The following DNAAF11 variants were observed in gnomAD, a reference collection of about 807,000 sequenced individuals.
DNAAF11 encodes the protein dynein axonemal assembly factor 11, also known as leucine rich repeat containing 6.
A neutral mutation model predicts 60.8 loss-of-function variants in DNAAF11; 45 were observed. That is an observed-to-expected ratio of 0.74 (90% CI 0.58 to 0.95). DNAAF11 has a LOEUF of 0.95. Among genes scored for constraint, DNAAF11 ranks in the 40% least tolerant of loss-of-function variants. DNAAF11 has a pLI of 0.00. For synonymous variants in DNAAF11, 191 were observed against 183.5 expected, an observed-to-expected ratio of 1.04 and a Z score of -0.33; for missense variants, 546 against 546.2, an observed-to-expected ratio of 1.00 and a Z score of 0.00.
At chr8:132,623,318 T>C (rs1819941532) in intron 6 of DNAAF11, among the ~76,000 whole-genome samples, 1 of 152,134 alleles carries the variant, frequency 6.6e-6, no homozygotes, top group Non-Finnish European at 1.5e-5. Flanking sequence ...AAAGTGTTGA[T>C]GATGTATTTA....
intron 1 of DNAAF11, among the ~76,000 whole-genome samples, chr8:132,674,147 AGAGGAGGAGGAGAAGGAGAAG>A: frequency 6.2e-5 from 2 of 32,124 alleles, no homozygotes; most frequent in South Asian, 2.2e-3. Flanking sequence ...AGGAGGAGGA[AGAGGAGGAGGAGAAGGAGAAG>A]GAGGAGGAGG....
the DNAAF11 span, among the ~76,000 whole-genome samples, chr8:132,691,160 T>TAGGAGAAGAGTTTATTC: frequency 6.6e-6 from 1 of 152,196 alleles, no homozygotes; most frequent in African/African-American, 2.4e-5. Flanking sequence ...TTCTTCTCCA[T>TAGGAGAAGAGTTTATTC]TAACTTAGTT....
intron 2 of DNAAF11, among the ~76,000 whole-genome samples, chr8:132,659,832 G>GT (rs1823956605): frequency 6.6e-6 from 1 of 152,000 alleles, no homozygotes. Context: ...CTTGCGGGGG[G>GT]TGGGGGAGCA....
At chr8:132,582,659 C>T (rs1815459511) in intron 11 of DNAAF11, among the ~76,000 whole-genome samples, 1 of 152,220 alleles carries the variant, frequency 6.6e-6, no homozygotes, top group African/African-American at 2.4e-5. Context: ...GTTGTTCAAA[C>T]AAACCCCATG....
At chr8:132,626,552 T>A (rs1039892034) in intron 5 of DNAAF11, among the ~76,000 whole-genome samples, 24 of 152,188 alleles carry the variant, frequency 1.6e-4, no homozygotes, top group African/African-American at 5.8e-4. Flanking sequence ...CCAAAATATA[T>A]TTATTTATTA....
intron 1 of DNAAF11, among the ~76,000 whole-genome samples, chr8:132,662,583 C>T (rs1217496457): frequency 6.6e-6 from 1 of 152,178 alleles, no homozygotes; most frequent in Admixed American, 6.5e-5. Context: ...ATTCTAAATT[C>T]TTTGCATGTA....
At chr8:132,683,413 C>T in the DNAAF11 span, among the ~76,000 whole-genome samples, 2 of 152,184 alleles carry the variant, frequency 1.3e-5, no homozygotes, top group African/African-American at 4.8e-5. Context: ...GGCACGTCCT[C>T]AATGTGACCA....
chr8:132,634,729 C>G (rs1386681408), intron 4 of DNAAF11, among the ~76,000 whole-genome samples: 2 of 148,800 alleles, frequency 1.3e-5, no homozygotes, highest in African/African-American at 4.9e-5. Context: ...TCATAAATTT[C>G]TGTTAAGTCA....
chr8:132,664,829 T>G (rs975341264), intron 1 of DNAAF11, among the ~76,000 whole-genome samples: 1 of 152,148 alleles, frequency 6.6e-6, no homozygotes, highest in Non-Finnish European at 1.5e-5. Context: ...CTGTCAAATC[T>G]TCTCTTTCGA....
intron 9 of DNAAF11, 104 bp from the exon 10 acceptor site, chr8:132,610,365 T>C: frequency 1.4e-6 from 1 of 715,262 alleles, no homozygotes; most frequent in South Asian, 1.6e-5. Context: ...ACCATTCAAT[T>C]AAGAAATGTG....
chr8:132,667,765 A>G (rs1459910704), intron 1 of DNAAF11, among the ~76,000 whole-genome samples: 2 of 152,184 alleles, frequency 1.3e-5, no homozygotes, highest in Non-Finnish European at 2.9e-5. Flanking sequence ...GTTTCTTTCC[A>G]ATTCCTTAAT....
intron 10 of DNAAF11, among the ~76,000 whole-genome samples, chr8:132,605,718 T>A (rs1325774718): frequency 6.6e-6 from 1 of 152,074 alleles, no homozygotes; most frequent in Non-Finnish European, 1.5e-5. Context: ...TGGGAGGAGA[T>A]GTTTTGTAAA....
chr8:132,632,290 TAG>T lies in DNAAF11; in HGVS notation c.653+448_653+449del, dbSNP rs1004346577. Among the ~76,000 whole-genome samples the T allele has an allele frequency of 1.8e-4, 28 of 152,268 alleles. No individual in the cohort carries two copies. In the East Asian group the frequency reaches 2.3e-3, roughly 13 times the overall value. On this transcript the variant is annotated intron_variant, in intron 5 of 11. Coordinates refer to ENST00000620350, the MANE Select transcript of DNAAF11 (RefSeq NM_012472.6). ...AAAATTTAATTTTTAAAAAACCAAT[TAG>T]AGAGTTATTAATCACATTAAAAATG... is the stretch of plus-strand genomic sequence containing the variant.
intron 10 of DNAAF11, among the ~76,000 whole-genome samples, chr8:132,606,452 A>T (rs1343636032): frequency 6.6e-6 from 1 of 152,176 alleles, no homozygotes; most frequent in African/African-American, 2.4e-5. Flanking sequence ...AAAAAATTTT[A>T]AAAAGTAAAC....
intron 10 of DNAAF11, among the ~76,000 whole-genome samples, chr8:132,591,064 T>G (rs530366458): frequency 6.6e-6 from 1 of 152,328 alleles, no homozygotes; most frequent in Admixed American, 6.5e-5. Flanking sequence ...TTGTATATTG[T>G]ATGATATATG....
intron 3 of DNAAF11, among the ~76,000 whole-genome samples, chr8:132,656,115 A>G (rs992416810): frequency 1.3e-5 from 2 of 152,242 alleles, no homozygotes; most frequent in African/African-American, 4.8e-5. Flanking sequence ...CCATCTGCAG[A>G]CAGATGGTTA....
chr8:132,644,569 A>C (rs1233554761), intron 3 of DNAAF11, among the ~76,000 whole-genome samples: 3 of 152,144 alleles, frequency 2.0e-5, no homozygotes, highest in African/African-American at 7.2e-5. Context: ...GGGTCAGGGA[A>C]TTCCCTTTCC....
intron 11 of DNAAF11, chr8:132,578,475 C>A (rs1409170143): frequency 6.5e-7 from 1 of 1,534,600 alleles, no homozygotes; most frequent in Admixed American, 2.0e-5. Context: ...TTACCCACGA[C>A]CTGACTGTCA....
chr8:132,626,823 T>C (rs1820330111), intron 5 of DNAAF11, among the ~76,000 whole-genome samples: 1 of 152,194 alleles, frequency 6.6e-6, no homozygotes, highest in Non-Finnish European at 1.5e-5. Flanking sequence ...TGTTAATGAA[T>C]GAGGTGACAA....
Sources: gnomAD v4.1 joint callset for allele counts (sites outside exome capture counted in the v4.1 genomes callset) on GRCh38, gnomAD v4.1.1 for gene constraint, MANE v1.5 for transcripts, NCBI Gene and HGNC (gene_info 2026-07-23, HGNC 2026-07-21) for gene names.